The following TEX11 variants were observed in gnomAD, a reference collection of about 807,000 sequenced individuals.
The protein encoded by TEX11 is testis expressed 11.
TEX11 carries 7 observed loss-of-function variants against 84.4 expected under a neutral mutation model. That is an observed-to-expected ratio of 0.08 (90% CI 0.05 to 0.16). The LOEUF (loss-of-function observed/expected upper bound fraction) is 0.16, where lower values mean the gene tolerates loss of function less well. Ranked by LOEUF, TEX11 falls within the 10% of genes least tolerant of loss-of-function variation. The pLI, the probability that TEX11 is intolerant of heterozygous loss-of-function variation, is 1.00. For missense variants in TEX11, 551 were observed against 660.5 expected, an observed-to-expected ratio of 0.83 and a Z score of 1.82; for synonymous variants, 264 against 222.8, an observed-to-expected ratio of 1.18 and a Z score of -1.64.
chrX:70,523,683 C>A, the TEX11 span, among the ~76,000 whole-genome samples: 8 of 108,663 alleles, frequency 7.4e-5, no homozygotes, highest in South Asian at 3.3e-3. Context: ...CCAGGATGGT[C>A]TTGATCTCCT....
chrX:70,547,498 A>G (rs1262805251), intron 28 of TEX11, among the ~76,000 whole-genome samples: 1 of 111,741 alleles, frequency 8.9e-6, no homozygotes, highest in Non-Finnish European at 1.9e-5. Flanking sequence ...AGAATGGGAG[A>G]AAATTTTTGC....
At chrX:70,584,064 G>T (rs1168381239) in intron 25 of TEX11, among the ~76,000 whole-genome samples, 1 of 109,121 alleles carries the variant, frequency 9.2e-6, no homozygotes, top group Non-Finnish European at 1.9e-5. Flanking sequence ...TGGATCATGA[G>T]GTCAGGAGAT....
the TEX11 span, among the ~76,000 whole-genome samples, chrX:70,515,224 T>A: frequency 9.0e-6 from 1 of 111,724 alleles, no homozygotes; most frequent in Non-Finnish European, 1.9e-5. Context: ...ACCCATTAAC[T>A]CGTCATTTAC....
At chrX:70,875,384 T>C (rs183122041) in intron 3 of TEX11, among the ~76,000 whole-genome samples, 180 of 109,632 alleles carry the variant, frequency 1.6e-3, no homozygotes, top group African/African-American at 5.8e-3. Context: ...AAATATCCAA[T>C]AATAAAGAAA....
At position 70,802,535 on chromosome X, in the gene TEX11, T is replaced by C. The variant is rs1368655318; in HGVS notation, c.692+4170A>G. ...TTGTCAATTATACCTCAACGAAGCTTGAGGGGAAAAGAAAGTAGTAGGAGG... is the reference window on the plus strand; with the variant it reads ...TTGTCAATTATACCTCAACGAAGCTCGAGGGGAAAAGAAAGTAGTAGGAGG... On this transcript the variant is annotated intron_variant, in intron 9 of 29. Coordinates refer to ENST00000374333, the MANE Select transcript of TEX11 (RefSeq NM_031276.3). Among the ~76,000 whole-genome samples the C allele has an allele frequency of 2.7e-5, 3 of 110,772 alleles. No individual in the cohort carries two copies. The Admixed American group carries it at 2.9e-4, about 11-fold the overall frequency.
intron 7 of TEX11, among the ~76,000 whole-genome samples, chrX:70,834,983 G>A (rs899665231): frequency 9.0e-6 from 1 of 110,976 alleles, no homozygotes; most frequent in Non-Finnish European, 1.9e-5. Flanking sequence ...CTGCTGAATA[G>A]TAAGCCTGAC....
At chrX:70,615,417 T>A (rs967614223) in intron 20 of TEX11, among the ~76,000 whole-genome samples, 4 of 111,890 alleles carry the variant, frequency 3.6e-5, no homozygotes, top group African/African-American at 1.3e-4. Flanking sequence ...AGTTTCTAAA[T>A]AGTAGAACTG....
chrX:70,792,343 TATATATATATATATAC>T (rs1386765304), intron 9 of TEX11, among the ~76,000 whole-genome samples: 24 of 10,699 alleles, frequency 2.2e-3, no homozygotes, highest in Non-Finnish European at 2.8e-3. Context: ...TATATATATA[TATATATATATATATAC>T]ACACACAAAT....
chrX:70,596,038 C>T (rs1023186190), intron 24 of TEX11, among the ~76,000 whole-genome samples: 1 of 109,544 alleles, frequency 9.1e-6, no homozygotes, highest in Non-Finnish European at 1.9e-5. Context: ...TTACTAGGAA[C>T]AAAGAGGAAA....
intron 28 of TEX11, among the ~76,000 whole-genome samples, chrX:70,549,621 G>A (rs2088186543): frequency 8.9e-6 from 1 of 111,841 alleles, no homozygotes; most frequent in African/African-American, 3.2e-5. Context: ...AACACTGGCA[G>A]TAGCCCAGCA....
In TEX11 at chrX:70,609,172, C is replaced by A. The variant is rs748136631; in HGVS notation, c.1798G>T (p.Val600Leu). 1.7e-6 allele frequency: 2 copies of A among 1,207,682 alleles called. No individual in the cohort carries two copies. Among genetic ancestry groups the A allele is most frequent in the Non-Finnish European group, 2.2e-6 (2 of 893,512 alleles). The change falls in exon 22 of 30, where the codon GTG (valine) becomes TTG (leucine). Residue 600 changes from valine (V) to leucine (L), a missense_variant. Val to Leu is a conservative substitution (Grantham distance 32). Coordinates refer to ENST00000374333, the MANE Select transcript of TEX11 (RefSeq NM_031276.3). Reference protein sequence around the residue: ...RLLTCLNRAFVKLSQPFGEEA... With the variant: ...RLLTCLNRAFLKLSQPFGEEA... ...TCACCAAAAGGCTGAGAAAGTTTCACAAAGGCTGCATCAAACAGGAAAATT... is the reference window on the plus strand; with the variant it reads ...TCACCAAAAGGCTGAGAAAGTTTCAAAAAGGCTGCATCAAACAGGAAAATT...
chrX:70,742,987 G>A (rs1002760400), intron 10 of TEX11, among the ~76,000 whole-genome samples: 1 of 111,242 alleles, frequency 9.0e-6, no homozygotes, highest in African/African-American at 3.3e-5. Context: ...CATCCATCTC[G>A]AGAACTCTCT....
At chrX:70,844,688 G>C (rs1444522129) in intron 7 of TEX11, among the ~76,000 whole-genome samples, 1 of 111,735 alleles carries the variant, frequency 8.9e-6, no homozygotes, top group African/African-American at 3.3e-5. Flanking sequence ...GGGAGGCCAA[G>C]GCAGGTGGAT....
chrX:70,607,324 C>T (rs1414621263), intron 22 of TEX11, among the ~76,000 whole-genome samples: 5 of 111,364 alleles, frequency 4.5e-5, no homozygotes, highest in Non-Finnish European at 9.4e-5. Flanking sequence ...CTTGGTGGCT[C>T]ATTCCTATAA....
chrX:70,782,389 G>A (rs1342498509), intron 9 of TEX11, among the ~76,000 whole-genome samples: 2 of 110,888 alleles, frequency 1.8e-5, no homozygotes, highest in Non-Finnish European at 3.8e-5. Flanking sequence ...GACCATCGAT[G>A]TTAGGAAGAA....
At chrX:70,682,903 G>T in intron 13 of TEX11, 78 bp from the exon 14 acceptor site, 1 of 991,663 alleles carries the variant, frequency 1.0e-6, no homozygotes, top group Non-Finnish European at 1.4e-6. Context: ...ATGTATTTCA[G>T]TGTGAGCAAA....
chrX:70,901,434 A>G (rs1364595515), intron 2 of TEX11, among the ~76,000 whole-genome samples: 1 of 111,964 alleles, frequency 8.9e-6, no homozygotes, highest in Non-Finnish European at 1.9e-5. Context: ...AACATCATAG[A>G]GCAGTGGTCC....
At chrX:70,640,899 G>T (rs930792918) in intron 17 of TEX11, among the ~76,000 whole-genome samples, 15 of 109,508 alleles carry the variant, frequency 1.4e-4, no homozygotes, top group African/African-American at 4.3e-4. Context: ...ATAATGACAG[G>T]ATCAAATTCA....
At chrX:70,520,671 A>G in the TEX11 span, among the ~76,000 whole-genome samples, 4 of 112,122 alleles carry the variant, frequency 3.6e-5, 1 homozygote, top group Admixed American at 2.8e-4. Flanking sequence ...TGCTCTCTTC[A>G]GAGATGTCAG....
Sources: allele counts gnomAD v4.1 joint callset (sites outside exome capture counted in the v4.1 genomes callset), GRCh38; gene constraint gnomAD v4.1.1; transcripts MANE v1.5; gene names NCBI Gene and HGNC (gene_info 2026-07-23, HGNC 2026-07-21).